The following RFX1 variants were observed in gnomAD, a reference collection of about 807,000 sequenced individuals.
RFX1 encodes the protein regulatory factor X1.
Under a neutral mutation model 119.6 loss-of-function variants are expected in RFX1, and 42 were observed. That is an observed-to-expected ratio of 0.35 (90% CI 0.27 to 0.45). RFX1 has a LOEUF of 0.45. Among genes scored for constraint, RFX1 ranks in the 20% least tolerant of loss-of-function variants. The pLI, the probability that RFX1 is intolerant of heterozygous loss-of-function variation, is 1.00. For synonymous variants in RFX1, 628 were observed against 618.5 expected (o/e 1.02, Z -0.23); for missense variants, 1,118 against 1,368.1 (o/e 0.82, Z 2.88).
Position 13,985,129 on chromosome 19 carries a change from C to T in RFX1, c.320-1534G>A, listed in dbSNP as rs1394848702. On this transcript the variant is annotated intron_variant, in intron 2 of 20. Transcript: ENST00000254325. This position sits in a 1 kb window ranked among gnomAD's most constrained non-coding sequence, Gnocchi z 4.3. The stretch of plus-strand genomic sequence containing the variant: ...CACCTGCTTCCATCTCCCGAAGTGC[C>T]GGAATTACCGGCGTGAGCCACTGTG... Among the ~76,000 whole-genome samples the T allele has an allele frequency of 2.0e-5, 3 of 151,750 alleles. No homozygotes were observed. The highest frequency in any genetic ancestry group is 4.4e-5 in the Non-Finnish European group (3 of 68,014).
At chr19:13,984,199 G>T (rs1463830585) in intron 2 of RFX1, among the ~76,000 whole-genome samples, 1 of 152,042 alleles carries the variant, frequency 6.6e-6, no homozygotes, top group Non-Finnish European at 1.5e-5. Context: ...ATAGAACATG[G>T]TGCTCATCCC....
rs540785755 is a variant in RFX1, at chr19:13,985,365, C to T, written c.320-1770G>A. Among the ~76,000 whole-genome samples the T allele has an allele frequency of 1.6e-4, 24 of 152,164 alleles. No individual in the cohort carries two copies. In the South Asian group the frequency reaches 4.1e-3, roughly 26 times the overall value. ...CTAATTTTTGTGGTTTTAGTAGAGA[C>T]GGGGTTTTGCCATGTTGGCCAGGCT... is the stretch of plus-strand genomic sequence containing the variant. On this transcript the variant is annotated intron_variant, in intron 2 of 20. Coordinates refer to ENST00000254325, the MANE Select transcript of RFX1 (RefSeq NM_002918.5). This position sits in a 1 kb window ranked among gnomAD's most constrained non-coding sequence, Gnocchi z 4.3.
In RFX1 at chr19:13,965,332, T is replaced by C; in HGVS notation, c.2211+117A>G. 1 of 894,564 alleles carries C rather than the reference T, an allele frequency of 1.1e-6. No individual in the cohort carries two copies. The highest frequency in any genetic ancestry group is 1.8e-6 in the Non-Finnish European group (1 of 563,944). The allele number at this position is 894,564 out of a possible 1,614,324, so 55.4% of individuals were successfully genotyped here. On this transcript the variant is annotated intron_variant, in intron 16 of 20. Coordinates refer to ENST00000254325, the MANE Select transcript of RFX1 (RefSeq NM_002918.5). This position sits in a 1 kb window ranked among gnomAD's most constrained non-coding sequence, Gnocchi z 4.7. The stretch of plus-strand genomic sequence containing the variant: ...CGAGGCGGAGAAGGTCTCCCCTTCC[T>C]CCACAGGCATCATCCCTGGAACAGG...
intron 5 of RFX1, 44 bp downstream of exon 5, chr19:13,982,077 G>T (rs117461664): frequency 2.9e-6 from 3 of 1,045,360 alleles, no homozygotes; most frequent in South Asian, 4.0e-5. Context: ...TGCTGACCTC[G>T]GGAGACAGCA....
chr19:14,000,832 C>T (rs1465355095), intron 1 of RFX1, among the ~76,000 whole-genome samples: 2 of 152,084 alleles, frequency 1.3e-5, no homozygotes, highest in African/African-American at 2.4e-5. Context: ...TGGCGGCTCA[C>T]GCCTGTAATC....
In RFX1 at chr19:13,963,891, G is replaced by A. The variant is rs1002857882; in HGVS notation, c.2328C>T (p.Ser776=). ...QNTAQINQML[S]DLNRVDFANV... ...TGGCGAAGTCCACGCGGTTGAGGTC[G>A]CTCAGCATCTGGTTGATCTGTGCGG... Residue 776 remains serine, a synonymous_variant, in exon 17 of 21, where the codon AGC becomes AGT. Coordinates refer to ENST00000254325, the MANE Select transcript of RFX1 (RefSeq NM_002918.5). 2 of 1,548,782 alleles carry A rather than the reference G, an allele frequency of 1.3e-6. No individual in the cohort carries two copies. The highest frequency in any genetic ancestry group is 8.7e-7 in the Non-Finnish European group (1 of 1,148,266).
intron 4 of RFX1, chr19:13,982,963 G>T: frequency 1.8e-6 from 1 of 555,918 alleles, no homozygotes; most frequent in East Asian, 3.1e-5. Flanking sequence ...TATACATCTT[G>T]TTCTCTCTGC....
chr19:13,989,225 C>G (rs766774637), intron 2 of RFX1, among the ~76,000 whole-genome samples: 10 of 151,522 alleles, frequency 6.6e-5, no homozygotes, highest in Non-Finnish European at 1.3e-4. Flanking sequence ...GTTTGTGGAG[C>G]TGTAGGAAGG....
chr19:13,995,049 G>C (rs1974962326), intron 1 of RFX1, among the ~76,000 whole-genome samples: 1 of 150,452 alleles, frequency 6.6e-6, no homozygotes, highest in Non-Finnish European at 1.5e-5. Flanking sequence ...GGGATTCTAG[G>C]TGTGAGCCAC....
rs538677577 is a variant in RFX1 at position 13,985,916 on chromosome 19, C to T, written c.320-2321G>A. On this transcript the variant is annotated intron_variant, in intron 2 of 20. Coordinates refer to ENST00000254325, the MANE Select transcript of RFX1 (RefSeq NM_002918.5). The surrounding 1 kb of genome is among the most constrained non-coding windows in gnomAD (Gnocchi z 4.3). The stretch of plus-strand genomic sequence containing the variant: ...TGTGGGAGGTGTTGGGGGAGGCCTC[C>T]GCGTAGCCGCATGTGGGCTGTGGGG... Among the ~76,000 whole-genome samples, 5 of 152,190 alleles carry T rather than the reference C, an allele frequency of 3.3e-5. No homozygotes were observed. Among genetic ancestry groups the T allele is most frequent in the South Asian group, 2.1e-4 (1 of 4,832 alleles).
chr19:13,984,744 G>C (rs1974540889), intron 2 of RFX1, among the ~76,000 whole-genome samples: 1 of 152,080 alleles, frequency 6.6e-6, no homozygotes, highest in African/African-American at 2.4e-5. Context: ...GATTTAGAGG[G>C]GTTTATCCGA....
intron 16 of RFX1, among the ~76,000 whole-genome samples, chr19:13,964,792 C>T (rs571077713): frequency 5.2e-4 from 79 of 152,326 alleles, no homozygotes; most frequent in Non-Finnish European, 5.3e-4. Context: ...CATTTTCTTT[C>T]GTACCCTGGA....
intron 2 of RFX1, among the ~76,000 whole-genome samples, chr19:13,983,961 G>A (rs1198250472): frequency 6.6e-6 from 1 of 152,204 alleles, no homozygotes; most frequent in African/African-American, 2.4e-5. Flanking sequence ...CCACTCCAGG[G>A]TCCTGGCAGC....
Position 13,965,504 on chromosome 19 carries a change from T to C in RFX1, c.2156A>G (p.Glu719Gly), listed in dbSNP as rs747921796. The part of the protein sequence containing the change: ...QAIRNFAKSL[E>G]SWLTHAMVNI... Reference sequence around the variant, plus strand: ...GACCATGGCGTGGGTGAGCCAGCTCTCCAGGCTCTTGGCAAAGTTCCGGAT... The same window carrying C: ...GACCATGGCGTGGGTGAGCCAGCTCCCCAGGCTCTTGGCAAAGTTCCGGAT... Residue 719 changes from glutamate (E) to glycine (G), a missense_variant, in exon 16 of 21, where the codon GAG becomes GGG. Transcript: ENST00000254325. This position sits in a 1 kb window ranked among gnomAD's most constrained non-coding sequence, Gnocchi z 4.7. 2 of 1,613,322 alleles carry C rather than the reference T, an allele frequency of 1.2e-6. No homozygotes were observed. Among genetic ancestry groups the C allele is most frequent in the Non-Finnish European group, 1.7e-6 (2 of 1,179,886 alleles).
Position 13,974,122 on chromosome 19 carries a change from T to C in RFX1, c.930-995A>G, listed in dbSNP as rs937931731. Among the ~76,000 whole-genome samples the C allele has an allele frequency of 2.0e-5, 3 of 152,026 alleles. 1 individual carries two copies. The highest frequency in any genetic ancestry group is 1.5e-5 in the Non-Finnish European group (1 of 67,994). On this transcript the variant is annotated intron_variant, in intron 8 of 20. Coordinates refer to ENST00000254325, the MANE Select transcript of RFX1 (RefSeq NM_002918.5). ...AGCCCCGGCCCCCGGAACCGTCTAG[T>C]TGGGGAGACAGGCAAGAAGCCACGT...
At position 13,972,242 on chromosome 19, in the gene RFX1, G is replaced by C. The variant is rs188535469; in HGVS notation, c.1314+501C>G. ...GACAGAATCTTGCTGTGTCTCCCAG[G>C]CTTGAGTGCGGTGGCGCAGTCTCCG... is the stretch of plus-strand genomic sequence containing the variant. On this transcript the variant is annotated intron_variant, in intron 9 of 20. Coordinates refer to ENST00000254325, the MANE Select transcript of RFX1 (RefSeq NM_002918.5). Among the ~76,000 whole-genome samples, 117 of 150,462 alleles carry C rather than the reference G, an allele frequency of 7.8e-4. 1 individual carries two copies. The East Asian group carries it at 0.018, about 23-fold the overall frequency.
rs1973972741 is a variant in RFX1, at chr19:13,968,477, A to G, written c.1732+88T>C. ...TCTCACCAAGCCCTCCCCAGCTCAG[A>G]GGCTGCCTGCCGCCATCCAGCTTTG... On this transcript the variant is annotated intron_variant, in intron 12 of 20. Transcript: ENST00000254325. This position sits in a 1 kb window ranked among gnomAD's most constrained non-coding sequence, Gnocchi z 5.5. 1 of 1,082,314 alleles carries G rather than the reference A, an allele frequency of 9.2e-7. No homozygotes were observed. The highest frequency in any genetic ancestry group is 1.4e-6 in the Non-Finnish European group (1 of 705,794). 67.0% of individuals were successfully genotyped at this position (1,082,314 alleles called of 1,614,324 possible).
At chr19:13,984,303 G>A (rs954667348) in intron 2 of RFX1, among the ~76,000 whole-genome samples, 6 of 143,534 alleles carry the variant, frequency 4.2e-5, no homozygotes, top group African/African-American at 1.3e-4. Flanking sequence ...CTATAGAACA[G>A]CAGGGTGTGC....
intron 2 of RFX1, among the ~76,000 whole-genome samples, chr19:13,984,578 C>A (rs1202386320): frequency 6.6e-6 from 1 of 152,028 alleles, no homozygotes; most frequent in Admixed American, 6.6e-5. Context: ...GGCTAGAAGA[C>A]CCTCACCCCA....
Sources: allele counts gnomAD v4.1 joint callset (sites outside exome capture counted in the v4.1 genomes callset), GRCh38; gene constraint gnomAD v4.1.1; non-coding constraint Gnocchi (gnomAD v3.1); transcripts MANE v1.5; gene names NCBI Gene and HGNC (gene_info 2026-07-23, HGNC 2026-07-21).